Variants in TRHDE observed in about 807,000 individuals in gnomAD.
The protein encoded by TRHDE is thyrotropin-releasing hormone-degrading ectoenzyme.
A neutral mutation model predicts 125.7 loss-of-function variants in TRHDE; 72 were observed. The ratio of observed to expected loss-of-function variants is 0.57; its 90% confidence interval spans 0.47 to 0.70. The LOEUF (loss-of-function observed/expected upper bound fraction) is 0.70, where lower values mean the gene tolerates loss of function less well. Among genes scored for constraint, TRHDE ranks in the 30% least tolerant of loss-of-function variants. The pLI, the probability that TRHDE is intolerant of heterozygous loss-of-function variation, is 0.00. For synonymous variants in TRHDE, 509 were observed against 509.1 expected (o/e 1.00, Z 0.00); for missense variants, 1,110 against 1,327.1 (o/e 0.84, Z 2.54).
At chr12:72,313,335 GT>G (rs1217833146) in intron 2 of TRHDE, among the ~76,000 whole-genome samples, 2 of 151,726 alleles carry the variant, frequency 1.3e-5, no homozygotes, top group Admixed American at 6.6e-5. Flanking sequence ...TAATACAAGT[GT>G]TTTTTCTTTT....
intron 2 of TRHDE, among the ~76,000 whole-genome samples, chr12:72,366,402 C>T (rs1871339839): frequency 6.6e-6 from 1 of 152,104 alleles, no homozygotes; most frequent in Non-Finnish European, 1.5e-5. Context: ...CAGTATGCCA[C>T]AGTGCTAATT....
chr12:72,153,427 C>G (rs1876419666), intron 2 of TRHDE, among the ~76,000 whole-genome samples: 1 of 152,120 alleles, frequency 6.6e-6, no homozygotes, highest in South Asian at 2.1e-4. Context: ...TTATTTCTTG[C>G]CTTCTGCTAG....
intron 3 of TRHDE, among the ~76,000 whole-genome samples, chr12:72,444,239 C>T (rs1875164875): frequency 6.6e-6 from 1 of 151,768 alleles, no homozygotes; most frequent in South Asian, 2.1e-4. Context: ...TAAATGTAGA[C>T]TCTAGGAGAT....
At chr12:72,468,958 C>T (rs923367402) in intron 3 of TRHDE, among the ~76,000 whole-genome samples, 1 of 152,164 alleles carries the variant, frequency 6.6e-6, no homozygotes, top group Non-Finnish European at 1.5e-5. Context: ...GAAGCATGAA[C>T]TCTTTGTGTC....
intron 2 of TRHDE, among the ~76,000 whole-genome samples, chr12:72,116,078 T>C (rs1267416678): frequency 6.6e-6 from 1 of 152,184 alleles, no homozygotes; most frequent in Admixed American, 6.5e-5. Context: ...GTTCTCATTG[T>C]TAACTCCCAC....
chr12:72,245,243 A>ATG (rs370752757), intron 2 of TRHDE, among the ~76,000 whole-genome samples: 4,465 of 147,220 alleles, frequency 0.03, 79 homozygotes, highest in African/African-American at 0.041. Context: ...GTTTGTGTGT[A>ATG]TGTGTGTGTG....
At chr12:72,382,555 G>A (rs932879764) in intron 3 of TRHDE, among the ~76,000 whole-genome samples, 1 of 152,108 alleles carries the variant, frequency 6.6e-6, no homozygotes, top group African/African-American at 2.4e-5. Flanking sequence ...CCAGGGAGGT[G>A]TGGAATTTGC....
At chr12:72,334,322 A>G (rs534005175) in intron 2 of TRHDE, among the ~76,000 whole-genome samples, 14 of 152,334 alleles carry the variant, frequency 9.2e-5, no homozygotes, top group African/African-American at 3.1e-4. Flanking sequence ...TCATGATAGA[A>G]CAGATATAAG....
chr12:72,518,510 C>T (rs867420450), intron 6 of TRHDE, among the ~76,000 whole-genome samples: 4 of 152,176 alleles, frequency 2.6e-5, no homozygotes, highest in Non-Finnish European at 5.9e-5. Flanking sequence ...AGATCTTCCT[C>T]CATCCTTTTA....
intron 2 of TRHDE, chr12:72,262,912 T>A (rs1461526743): frequency 6.6e-6 from 1 of 152,194 alleles, no homozygotes; most frequent in African/African-American, 2.4e-5. Context: ...AAAATGAAAT[T>A]CTCAGAAATG....
chr12:72,189,427 TC>T (rs1332095233), intron 2 of TRHDE, among the ~76,000 whole-genome samples: 1 of 152,198 alleles, frequency 6.6e-6, no homozygotes, highest in Admixed American at 6.5e-5. Flanking sequence ...TTCCTGCTTC[TC>T]TGTATATGCA....
chr12:72,196,676 C>G (rs991016319), intron 2 of TRHDE, among the ~76,000 whole-genome samples: 3 of 152,032 alleles, frequency 2.0e-5, no homozygotes, highest in African/African-American at 7.2e-5. Flanking sequence ...TTCCTTTCTT[C>G]CTATTATTTT....
intron 2 of TRHDE, among the ~76,000 whole-genome samples, chr12:72,217,723 A>G (rs1027041327): frequency 6.6e-6 from 1 of 152,312 alleles, no homozygotes; most frequent in South Asian, 2.1e-4. Flanking sequence ...TCGTTGCACA[A>G]TATAATGAAT....
At chr12:72,234,883 T>A (rs921132804) in intron 2 of TRHDE, among the ~76,000 whole-genome samples, 1 of 152,174 alleles carries the variant, frequency 6.6e-6, no homozygotes, top group Non-Finnish European at 1.5e-5. Context: ...AACTAACATT[T>A]ATTAAGTCTT....
At chr12:72,278,119 G>A (rs1592514609) in intron 1 of TRHDE, among the ~76,000 whole-genome samples, 2 of 151,826 alleles carry the variant, frequency 1.3e-5, no homozygotes, top group African/African-American at 4.8e-5. Context: ...CTTATTATCT[G>A]GTAAACATTA....
intron 2 of TRHDE, among the ~76,000 whole-genome samples, chr12:72,123,964 A>C (rs1210012061): frequency 6.6e-6 from 1 of 152,134 alleles, no homozygotes; most frequent in African/African-American, 2.4e-5. Flanking sequence ...AACACATTTG[A>C]GACTCATCTA....
At chr12:72,420,001 A>C (rs915283293) in intron 3 of TRHDE, among the ~76,000 whole-genome samples, 1 of 152,208 alleles carries the variant, frequency 6.6e-6, no homozygotes, top group African/African-American at 2.4e-5. Flanking sequence ...TGTAGTCAAC[A>C]AATAAATAAA....
intron 2 of TRHDE, among the ~76,000 whole-genome samples, chr12:72,356,947 A>G (rs1266214725): frequency 3.3e-5 from 5 of 151,584 alleles, no homozygotes; most frequent in African/African-American, 1.2e-4. Flanking sequence ...TCGGAAATGC[A>G]TATAGTATGG....
At chr12:72,590,025 A>G (rs546532593) in intron 12 of TRHDE, among the ~76,000 whole-genome samples, 45 of 152,152 alleles carry the variant, frequency 3.0e-4, no homozygotes, top group Admixed American at 9.2e-4. Context: ...TAAAGCCATA[A>G]AATTTCCTCA....
Sources: gnomAD v4.1 joint callset for allele counts (sites outside exome capture counted in the v4.1 genomes callset) on GRCh38, gnomAD v4.1.1 for gene constraint, MANE v1.5 for transcripts, NCBI Gene and HGNC (gene_info 2026-07-23, HGNC 2026-07-21) for gene names.